ERBB4: variants seen among roughly 807,000 people sequenced by gnomAD.
The protein encoded by ERBB4 is erb-b2 receptor tyrosine kinase 4, also known as receptor tyrosine-protein kinase erbB-4.
In ERBB4, 42 loss-of-function variants were observed where a neutral mutation model predicts 158.0. The ratio of observed to expected loss-of-function variants is 0.27; its 90% CI spans 0.21 to 0.34. The LOEUF (loss-of-function observed/expected upper bound fraction) is 0.34, where lower values mean the gene tolerates loss of function less well. Among genes scored for constraint, ERBB4 ranks in the 10% least tolerant of loss-of-function variants. ERBB4 has a pLI of 1.00. For missense variants in ERBB4, 1,333 were observed against 1,624.1 expected (o/e 0.82, Z 3.08); for synonymous variants, 583 against 558.7 (o/e 1.04, Z -0.61).
chr2:211,401,602 C>T (rs2063043812), intron 25 of ERBB4, among the ~76,000 whole-genome samples: 1 of 152,040 alleles, frequency 6.6e-6, no homozygotes, highest in South Asian at 2.1e-4. Context: ...AATATTTGAA[C>T]TCTCATGCCC....
chr2:211,698,459 A>G (rs1179681028), intron 12 of ERBB4, among the ~76,000 whole-genome samples: 2 of 151,918 alleles, frequency 1.3e-5, no homozygotes, highest in Admixed American at 6.6e-5. Context: ...CATATACGAA[A>G]ATATATATTT....
intron 16 of ERBB4, among the ~76,000 whole-genome samples, chr2:211,655,557 C>T (rs926334618): frequency 3.9e-5 from 6 of 152,168 alleles, no homozygotes; most frequent in African/African-American, 7.2e-5. Flanking sequence ...ATTCTAAAGA[C>T]GGAACACTTA....
At position 211,861,134 on chromosome 2, in the gene ERBB4, A is replaced by ATATTT. The variant is rs1553648457; in HGVS notation, c.422-72976_422-72975insAAATA. Reference sequence around the variant, plus strand: ...ATTTATATATATATTTTATATATATATATATATATATATATATATATTAAA... The same window carrying ATATTT: ...ATTTATATATATATTTTATATATATATATTTTATATATATATATATATATATTAAA... On this transcript the variant is annotated intron_variant, in intron 3 of 27. Coordinates refer to ENST00000342788, the MANE Select transcript of ERBB4 (RefSeq NM_005235.3). Among the ~76,000 whole-genome samples, 13 of 54,088 alleles carry ATATTT rather than the reference A, an allele frequency of 2.4e-4. 4 individuals carry two copies. In the East Asian group the frequency reaches 3.2e-3, roughly 13 times the overall value. 35.5% of individuals were successfully genotyped at this position (54,088 alleles called of 152,430 possible). A position where few individuals can be genotyped will look rare whatever the true frequency, so the allele number is the denominator to read the frequency against.
chr2:211,984,111 G>A (rs570138143), intron 2 of ERBB4, among the ~76,000 whole-genome samples: 1 of 152,264 alleles, frequency 6.6e-6, no homozygotes, highest in Admixed American at 6.5e-5. Context: ...TTCAGTGGCT[G>A]CTTGAGGGCT....
rs548065995 is a variant in ERBB4, at chr2:212,302,250, G to A, written c.83-177347C>T. ...TAGATCACCTGGTACACAGGAAATTGAGAAAAGTCATCAGTTCTTTACATC... is the reference window on the plus strand; with the variant it reads ...TAGATCACCTGGTACACAGGAAATTAAGAAAAGTCATCAGTTCTTTACATC... On this transcript the variant is annotated intron_variant, in intron 1 of 27. Coordinates refer to ENST00000342788, the MANE Select transcript of ERBB4 (RefSeq NM_005235.3). 3.3e-5 allele frequency among the ~76,000 whole-genome samples: 5 copies of A among 151,602 alleles called. No homozygotes were observed. The South Asian group carries it at 1.0e-3, about 31-fold the overall frequency.
chr2:212,062,345 G>A (rs1186952383), intron 2 of ERBB4, among the ~76,000 whole-genome samples: 1 of 147,724 alleles, frequency 6.8e-6, no homozygotes, highest in African/African-American at 2.5e-5. Context: ...TGTGCTGACT[G>A]CAGTCTCACT....
intron 19 of ERBB4, among the ~76,000 whole-genome samples, chr2:211,577,765 C>G (rs189415000): frequency 2.0e-5 from 3 of 152,060 alleles, no homozygotes; most frequent in Admixed American, 2.0e-4. Flanking sequence ...TTGACATTCC[C>G]TCATGTTAAA....
At chr2:211,755,548 G>A in intron 4 of ERBB4, among the ~76,000 whole-genome samples, 1 of 152,080 alleles carries the variant, frequency 6.6e-6, no homozygotes, top group African/African-American at 2.4e-5. Flanking sequence ...AATAAGTTCT[G>A]GTTACTCCCC....
At chr2:211,970,333 T>C (rs188132514) in intron 2 of ERBB4, among the ~76,000 whole-genome samples, 53 of 152,336 alleles carry the variant, frequency 3.5e-4, no homozygotes, top group African/African-American at 1.3e-3. Flanking sequence ...GTAATTGCCA[T>C]GTGGCAATGA....
intron 3 of ERBB4, among the ~76,000 whole-genome samples, chr2:211,876,542 A>T (rs79208599): frequency 6.6e-6 from 1 of 152,178 alleles, no homozygotes; most frequent in African/African-American, 2.4e-5. Flanking sequence ...GATAAATCAT[A>T]GAGACTGTGT....
At chr2:212,366,484 C>T (rs2089894916) in intron 1 of ERBB4, among the ~76,000 whole-genome samples, 1 of 151,922 alleles carries the variant, frequency 6.6e-6, no homozygotes, top group Non-Finnish European at 1.5e-5. Flanking sequence ...TAAAGGGAAA[C>T]CAGATCATAA....
At chr2:211,741,020 T>C (rs62182999) in intron 5 of ERBB4, among the ~76,000 whole-genome samples, 35,346 of 152,160 alleles carry the variant, frequency 0.23, 4,556 homozygotes, top group Non-Finnish European at 0.3. Flanking sequence ...GCTTGCTAAA[T>C]TCTCAAACCG....
chr2:212,408,376 G>A (rs942507762), intron 1 of ERBB4, among the ~76,000 whole-genome samples: 4 of 152,010 alleles, frequency 2.6e-5, no homozygotes, highest in African/African-American at 9.7e-5. Flanking sequence ...GTTTCCTGAG[G>A]ATAATGGCTA....
rs5838261 is a variant in ERBB4 at position 211,392,558 on chromosome 2, CCACACACACACACACA to C, written c.3136-4582_3136-4567del. On this transcript the variant is annotated intron_variant, in intron 25 of 27. Transcript: ENST00000342788. ...ACTTTTTTGAAAAAACTCTCTTACT[CCACACACACACACACA>C]CACACACACACACACACACACACAC... Among the ~76,000 whole-genome samples, 599 of 141,010 alleles carry C rather than the reference CCACACACACACACACA, an allele frequency of 4.2e-3. 4 individuals are homozygous for C. The highest frequency in any genetic ancestry group is 0.015 in the African/African-American group (578 of 38,042). 92.5% of individuals were successfully genotyped at this position (141,010 alleles called of 152,430 possible).
chr2:212,191,585 TATATATAACACATGTGTTATGCCTG>T (rs1559701617), intron 1 of ERBB4, among the ~76,000 whole-genome samples: 1 of 143,838 alleles, frequency 7.0e-6, no homozygotes, highest in East Asian at 2.0e-4. Flanking sequence ...TTATGCCTGT[TATATATAACACATGTGTTATGCCTG>T]TTATATATAA....
chr2:212,101,509 G>C (rs1223678820), intron 2 of ERBB4, among the ~76,000 whole-genome samples: 1 of 151,376 alleles, frequency 6.6e-6, no homozygotes, highest in Admixed American at 6.6e-5. Flanking sequence ...AAATTAGTGA[G>C]GAAACACGCA....
chr2:211,685,842 T>C (rs967264424), intron 12 of ERBB4, among the ~76,000 whole-genome samples: 1 of 152,202 alleles, frequency 6.6e-6, no homozygotes, highest in African/African-American at 2.4e-5. Context: ...GTATATGTTT[T>C]GTTAAATTTA....
chr2:211,969,735 TG>T (rs2081399785), intron 2 of ERBB4, among the ~76,000 whole-genome samples: 1 of 152,110 alleles, frequency 6.6e-6, no homozygotes, highest in Non-Finnish European at 1.5e-5. Context: ...GTGGGGTCAG[TG>T]GTAATATTCC....
chr2:211,816,481 A>T (rs2076882394), intron 3 of ERBB4, among the ~76,000 whole-genome samples: 1 of 148,078 alleles, frequency 6.8e-6, no homozygotes, highest in Non-Finnish European at 1.5e-5. Context: ...GTGGAGGCTG[A>T]AGTGACCCAA....
Sources: gnomAD v4.1 joint callset for allele counts (sites outside exome capture counted in the v4.1 genomes callset) on GRCh38, gnomAD v4.1.1 for gene constraint, MANE v1.5 for transcripts, NCBI Gene and HGNC (gene_info 2026-07-23, HGNC 2026-07-21) for gene names.